ERBB4: variants seen among roughly 807,000 people sequenced by gnomAD.
ERBB4 encodes the protein receptor tyrosine-protein kinase erbB-4.
A neutral mutation model predicts 158.0 loss-of-function variants in ERBB4; 42 were observed. The ratio of observed to expected loss-of-function variants is 0.27; its 90% CI spans 0.21 to 0.34. The LOEUF (loss-of-function observed/expected upper bound fraction) is 0.34. ERBB4 is among the 10% of genes least tolerant of loss of function. ERBB4 has a pLI of 1.00. For missense variants in ERBB4, 1,333 were observed against 1,624.1 expected (o/e 0.82, Z 3.08); for synonymous variants, 583 against 558.7 (o/e 1.04, Z -0.61).
At chr2:212,142,496 TA>T (rs1317662782) in intron 1 of ERBB4, among the ~76,000 whole-genome samples, 4 of 151,316 alleles carry the variant, frequency 2.6e-5, no homozygotes, top group African/African-American at 9.7e-5. Context: ...TAGAGATCAT[TA>T]AGTCCAGATT....
chr2:211,964,402 TG>T (rs2081260637), intron 2 of ERBB4, among the ~76,000 whole-genome samples: 1 of 152,214 alleles, frequency 6.6e-6, no homozygotes, highest in Non-Finnish European at 1.5e-5. Flanking sequence ...TTTCAACAGA[TG>T]TTTTTTCGGA....
intron 1 of ERBB4, among the ~76,000 whole-genome samples, chr2:212,186,787 T>G (rs1184088558): frequency 6.6e-6 from 1 of 152,142 alleles, no homozygotes; most frequent in Non-Finnish European, 1.5e-5. Context: ...TTCAAAAGAC[T>G]AATACTGAAA....
intron 20 of ERBB4, among the ~76,000 whole-genome samples, chr2:211,519,063 T>C (rs935320860): frequency 1.4e-4 from 21 of 152,010 alleles, no homozygotes; most frequent in South Asian, 4.2e-4. Context: ...CCCTGCATTT[T>C]CTCACTTCCC....
chr2:211,928,889 G>A (rs1445505796), intron 3 of ERBB4, among the ~76,000 whole-genome samples: 1 of 152,162 alleles, frequency 6.6e-6, no homozygotes, highest in Non-Finnish European at 1.5e-5. Flanking sequence ...TGAGCTAGGT[G>A]TAAGTTTGGG....
chr2:212,119,929 T>C (rs1417642760), intron 2 of ERBB4, among the ~76,000 whole-genome samples: 2 of 152,220 alleles, frequency 1.3e-5, no homozygotes, highest in Non-Finnish European at 2.9e-5. Context: ...AGGCTCACTT[T>C]TGCTGTGTTC....
At chr2:211,451,649 T>C (rs1262813655) in intron 20 of ERBB4, among the ~76,000 whole-genome samples, 1 of 152,122 alleles carries the variant, frequency 6.6e-6, no homozygotes, top group Non-Finnish European at 1.5e-5. Context: ...AGCCCTAGCA[T>C]ATGAGCTAAG....
intron 2 of ERBB4, among the ~76,000 whole-genome samples, chr2:211,962,252 C>T (rs2081198826): frequency 1.3e-5 from 2 of 152,174 alleles, no homozygotes. Context: ...TGCCTTTTCA[C>T]ATCTCTCCAA....
intron 1 of ERBB4, among the ~76,000 whole-genome samples, chr2:212,337,916 C>T (rs1219957186): frequency 6.6e-6 from 1 of 151,994 alleles, no homozygotes; most frequent in Admixed American, 6.6e-5. Flanking sequence ...AGGAACTTAA[C>T]TCATAAATCT....
intron 2 of ERBB4, among the ~76,000 whole-genome samples, chr2:212,024,595 G>A (rs1036643273): frequency 6.6e-6 from 1 of 151,830 alleles, no homozygotes; most frequent in Non-Finnish European, 1.5e-5. Context: ...CATCAAAAAG[G>A]TTCTATTTTC....
rs577941812 is a variant in ERBB4, at chr2:212,170,998, C to A, written c.83-46095G>T. 1.8e-4 allele frequency among the ~76,000 whole-genome samples: 27 copies of A among 152,152 alleles called. 1 individual carries two copies. Among genetic ancestry groups the A allele is most frequent in the Middle Eastern group, 3.4e-3 (1 of 294 alleles). ...CCAGGCCCAAGAATGATAGATCCAC[C>A]AACAGCTTGCACTGTGCACCTGGAA... On this transcript the variant is annotated intron_variant, in intron 1 of 27. Coordinates refer to ENST00000342788, the MANE Select transcript of ERBB4 (RefSeq NM_005235.3).
intron 19 of ERBB4, among the ~76,000 whole-genome samples, chr2:211,612,950 A>G (rs932873362): frequency 2.0e-5 from 3 of 152,048 alleles, no homozygotes; most frequent in African/African-American, 7.2e-5. Flanking sequence ...TAGGGACAAT[A>G]GGGTGGATAC....
intron 1 of ERBB4, among the ~76,000 whole-genome samples, chr2:212,413,368 A>G (rs552093208): frequency 6.6e-6 from 1 of 152,014 alleles, no homozygotes; most frequent in African/African-American, 2.4e-5. Context: ...GTGATTTCAA[A>G]TCAGTGAAAA....
intron 6 of ERBB4, among the ~76,000 whole-genome samples, chr2:211,723,206 A>T (rs2074159726): frequency 6.6e-6 from 1 of 152,202 alleles, no homozygotes. Flanking sequence ...GCTGACTCGT[A>T]TATTTATATT....
chr2:212,365,883 T>A (rs896520556), intron 1 of ERBB4, among the ~76,000 whole-genome samples: 5 of 151,872 alleles, frequency 3.3e-5, no homozygotes, highest in Admixed American at 1.3e-4. Context: ...TCTTTAGTAT[T>A]CAGAAAGTGT....
At chr2:212,373,118 T>C (rs548663550) in intron 1 of ERBB4, among the ~76,000 whole-genome samples, 7 of 152,232 alleles carry the variant, frequency 4.6e-5, no homozygotes, top group Non-Finnish European at 1.0e-4. Flanking sequence ...TATTAAGTGG[T>C]TAGTATATCT....
intron 20 of ERBB4, among the ~76,000 whole-genome samples, chr2:211,504,893 T>C (rs533287704): frequency 3.3e-5 from 5 of 152,124 alleles, no homozygotes; most frequent in Non-Finnish European, 5.9e-5. Flanking sequence ...TCAACCCAGC[T>C]AGACAAAAAT....
chr2:211,580,487 C>CA (rs927353797), intron 19 of ERBB4, among the ~76,000 whole-genome samples: 2 of 151,550 alleles, frequency 1.3e-5, no homozygotes, highest in African/African-American at 4.8e-5. Context: ...ATCAAAAAAT[C>CA]AAAAAATAAT....
intron 24 of ERBB4, among the ~76,000 whole-genome samples, chr2:211,421,205 T>C (rs2063507743): frequency 6.6e-6 from 1 of 151,992 alleles, no homozygotes; most frequent in Non-Finnish European, 1.5e-5. Flanking sequence ...TAAAGTTACA[T>C]AATTTTTGGA....
Position 212,538,554 on chromosome 2 carries a change from G to A in ERBB4, c.-24C>T. On this transcript the variant is annotated 5_prime_UTR_variant, in exon 1 of 28. Coordinates refer to ENST00000342788, the MANE Select transcript of ERBB4 (RefSeq NM_005235.3). ...ATTTTTTGGAAGTCTCAGATCCCGT[G>A]CTGACAATTACATGTCCAAATGGCA... 6.2e-7 allele frequency: 1 copy of A among 1,606,036 alleles called. No individual in the cohort carries two copies. Among genetic ancestry groups the A allele is most frequent in the South Asian group, 1.1e-5 (1 of 90,932 alleles).
Sources: allele counts gnomAD v4.1 joint callset (sites outside exome capture counted in the v4.1 genomes callset), GRCh38; gene constraint gnomAD v4.1.1; transcripts MANE v1.5; gene names NCBI Gene and HGNC (gene_info 2026-07-23, HGNC 2026-07-21).